The following GRIN2B variants were observed in gnomAD, a reference collection of about 807,000 sequenced individuals.
GRIN2B encodes glutamate receptor ionotropic, NMDA 2B.
In GRIN2B, 5 loss-of-function variants were observed where a neutral mutation model predicts 114.5. That is an observed-to-expected ratio of 0.04 (90% confidence interval 0.02 to 0.09). The LOEUF is 0.09. Ranked by LOEUF, GRIN2B falls within the 10% of genes least tolerant of loss-of-function variation. The pLI is 1.00. For missense variants in GRIN2B, 1,108 were observed against 1,943.5 expected, an observed-to-expected ratio of 0.57 and a Z score of 8.08; for synonymous variants, 787 against 745.1, an observed-to-expected ratio of 1.06 and a Z score of -0.92.
At chr12:13,721,707 T>C (rs960440888) in intron 4 of GRIN2B, among the ~76,000 whole-genome samples, 1 of 152,094 alleles carries the variant, frequency 6.6e-6, no homozygotes, top group African/African-American at 2.4e-5. Flanking sequence ...TTCTGAGGAA[T>C]GGTCCAAGTT....
intron 10 of GRIN2B, among the ~76,000 whole-genome samples, chr12:13,589,821 A>G (rs966865092): frequency 1.3e-5 from 2 of 152,152 alleles, no homozygotes; most frequent in Admixed American, 6.5e-5. Context: ...AATGGAGAAG[A>G]GGAGCTTCAG....
intron 5 of GRIN2B, 55 bp from the exon 6 acceptor site, chr12:13,616,712 G>A: frequency 7.3e-7 from 1 of 1,366,330 alleles, no homozygotes. Context: ...ATAACAAACA[G>A]CCTGTCCCAG....
intron 4 of GRIN2B, among the ~76,000 whole-genome samples, chr12:13,728,955 C>T (rs1297479088): frequency 6.6e-6 from 1 of 152,090 alleles, no homozygotes; most frequent in African/African-American, 2.4e-5. Flanking sequence ...CAAAAGAAAC[C>T]CTTACCTCCC....
At chr12:13,586,619 T>A (rs1805473) in intron 10 of GRIN2B, among the ~76,000 whole-genome samples, 1 of 151,988 alleles carries the variant, frequency 6.6e-6, no homozygotes, top group Non-Finnish European at 1.5e-5. Context: ...ACTTTATAAT[T>A]TAAGATCCGA....
chr12:13,713,143 A>G (rs1457204958), intron 4 of GRIN2B, among the ~76,000 whole-genome samples: 3 of 151,924 alleles, frequency 2.0e-5, no homozygotes, highest in African/African-American at 4.8e-5. Flanking sequence ...AAACATTTAC[A>G]GTACATTTAA....
intron 2 of GRIN2B, among the ~76,000 whole-genome samples, chr12:13,936,888 C>T (rs1271946737): frequency 6.6e-6 from 1 of 151,258 alleles, no homozygotes; most frequent in Non-Finnish European, 1.5e-5. Context: ...CTAGAAAGTA[C>T]ACTAACTGAA....
intron 10 of GRIN2B, among the ~76,000 whole-genome samples, chr12:13,583,201 AC>A (rs1157943065): frequency 2.6e-5 from 4 of 152,216 alleles, no homozygotes; most frequent in African/African-American, 9.6e-5. Context: ...AAATGAGGCA[AC>A]AGATACAATC....
intron 4 of GRIN2B, among the ~76,000 whole-genome samples, chr12:13,704,664 G>T (rs1056530878): frequency 3.9e-5 from 6 of 151,994 alleles, no homozygotes; most frequent in Admixed American, 3.3e-4. Context: ...AGCACCCCAT[G>T]TAATTCCATG....
intron 3 of GRIN2B, among the ~76,000 whole-genome samples, chr12:13,852,570 G>A (rs1024759337): frequency 6.6e-6 from 1 of 151,704 alleles, no homozygotes; most frequent in Non-Finnish European, 1.5e-5. Context: ...GATAACAGAA[G>A]CCATTTATTC....
At chr12:13,930,807 A>G (rs1867013926) in intron 2 of GRIN2B, among the ~76,000 whole-genome samples, 1 of 152,198 alleles carries the variant, frequency 6.6e-6, no homozygotes, top group Non-Finnish European at 1.5e-5. Context: ...CACCAGGTCC[A>G]GCACTTCAGT....
chr12:13,849,884 C>A (rs1263559103), intron 3 of GRIN2B, among the ~76,000 whole-genome samples: 2 of 152,202 alleles, frequency 1.3e-5, no homozygotes, highest in Non-Finnish European at 2.9e-5. Context: ...GATAAATTTA[C>A]TTCTCTCATG....
chr12:13,868,173 G>T (rs1034534770), intron 2 of GRIN2B, among the ~76,000 whole-genome samples: 41 of 152,064 alleles, frequency 2.7e-4, no homozygotes, highest in Non-Finnish European at 5.4e-4. Flanking sequence ...TGATTGCCTT[G>T]TCTCTCTCTC....
At chr12:13,967,526 T>C (rs182422088) in intron 2 of GRIN2B, among the ~76,000 whole-genome samples, 1 of 152,322 alleles carries the variant, frequency 6.6e-6, no homozygotes, top group Non-Finnish European at 1.5e-5. Context: ...AAGGGTTAAA[T>C]TGGTCAATTC....
At chr12:13,607,435 A>ATATATT (rs1949295106) in intron 10 of GRIN2B, among the ~76,000 whole-genome samples, 1 of 87,590 alleles carries the variant, frequency 1.1e-5, no homozygotes, top group African/African-American at 4.9e-5. Context: ...TATATATAAT[A>ATATATT]TATATTATAT....
At chr12:13,865,032 T>C (rs1337252317) in intron 3 of GRIN2B, among the ~76,000 whole-genome samples, 1 of 152,232 alleles carries the variant, frequency 6.6e-6, no homozygotes, top group Non-Finnish European at 1.5e-5. Context: ...ATATGTGTGA[T>C]GAGCGTTAAT....
intron 10 of GRIN2B, among the ~76,000 whole-genome samples, chr12:13,578,235 C>G (rs995682299): frequency 1.3e-5 from 2 of 152,174 alleles, no homozygotes; most frequent in African/African-American, 4.8e-5. Context: ...CAAACAGGTC[C>G]ATGTCCCCTC....
At chr12:13,863,496 C>A (rs1009453234) in intron 3 of GRIN2B, among the ~76,000 whole-genome samples, 1 of 152,168 alleles carries the variant, frequency 6.6e-6, no homozygotes, top group Non-Finnish European at 1.5e-5. Context: ...AGAGCTGTAG[C>A]ATTTTGGATA....
chr12:13,877,016 C>T (rs1866000233), intron 2 of GRIN2B, among the ~76,000 whole-genome samples: 1 of 152,158 alleles, frequency 6.6e-6, no homozygotes. Flanking sequence ...ACAATAAACG[C>T]CAATATCATT....
intron 10 of GRIN2B, among the ~76,000 whole-genome samples, chr12:13,607,349 TAAAATATATAATATATA>T (rs1949281414): frequency 1.9e-5 from 1 of 52,960 alleles, no homozygotes; most frequent in African/African-American, 9.9e-5. Flanking sequence ...ATATAATATA[TAAAATATATAATATATA>T]TTATATATTA....
Sources: gnomAD v4.1 joint callset for allele counts (sites outside exome capture counted in the v4.1 genomes callset) on GRCh38, gnomAD v4.1.1 for gene constraint, MANE v1.5 for transcripts, NCBI Gene and HGNC (gene_info 2026-07-23, HGNC 2026-07-21) for gene names.